ERBB4: variants seen among roughly 807,000 people sequenced by gnomAD.
ERBB4 encodes receptor tyrosine-protein kinase erbB-4.
In ERBB4, 42 loss-of-function variants were observed where a neutral mutation model predicts 158.0. That is an observed-to-expected ratio of 0.27 (90% CI 0.21 to 0.34). ERBB4 has a LOEUF of 0.34. Among genes scored for constraint, ERBB4 ranks in the 10% least tolerant of loss-of-function variants. The pLI is 1.00. For synonymous variants in ERBB4, 583 were observed against 558.7 expected (o/e 1.04, Z -0.61); for missense variants, 1,333 against 1,624.1 (o/e 0.82, Z 3.08).
chr2:212,264,599 T>C (rs998123356), intron 1 of ERBB4, among the ~76,000 whole-genome samples: 2 of 152,148 alleles, frequency 1.3e-5, no homozygotes, highest in Non-Finnish European at 2.9e-5. Flanking sequence ...ATTGTCATTC[T>C]GCTTTAAACT....
At chr2:212,069,211 C>T (rs2078035777) in intron 2 of ERBB4, among the ~76,000 whole-genome samples, 1 of 152,000 alleles carries the variant, frequency 6.6e-6, no homozygotes, top group Admixed American at 6.6e-5. Context: ...ATCCAACAAT[C>T]TATAAATAGG....
chr2:212,333,601 G>A (rs2088286829), intron 1 of ERBB4, among the ~76,000 whole-genome samples: 1 of 151,664 alleles, frequency 6.6e-6, no homozygotes, highest in Non-Finnish European at 1.5e-5. Flanking sequence ...ATCTGAGGTG[G>A]GAGGATTGCT....
Position 211,924,398 on chromosome 2 carries a change from A to C in ERBB4, c.421+23032T>G, listed in dbSNP as rs544877918. Among the ~76,000 whole-genome samples the C allele has an allele frequency of 1.8e-4, 28 of 152,258 alleles. 2 individuals are homozygous for C. The South Asian group carries it at 5.0e-3, about 27-fold the overall frequency. Reference sequence around the variant, plus strand: ...ACACTATTTGGGTGATGGGTGCCCTAAAAGCCCAGACTTCACCACTAAGCA... The same window carrying C: ...ACACTATTTGGGTGATGGGTGCCCTCAAAGCCCAGACTTCACCACTAAGCA... On this transcript the variant is annotated intron_variant, in intron 3 of 27. Coordinates refer to ENST00000342788, the MANE Select transcript of ERBB4 (RefSeq NM_005235.3).
chr2:211,953,709 T>A (rs2080944534), intron 2 of ERBB4, among the ~76,000 whole-genome samples: 1 of 152,038 alleles, frequency 6.6e-6, no homozygotes, highest in South Asian at 2.1e-4. Flanking sequence ...GTAAATACAA[T>A]CGGATATTAT....
At chr2:211,488,180 C>T (rs1228040855) in intron 20 of ERBB4, among the ~76,000 whole-genome samples, 2 of 152,028 alleles carry the variant, frequency 1.3e-5, no homozygotes, top group East Asian at 3.8e-4. Context: ...TGTTCCTTCC[C>T]CCAGCATGTA....
intron 2 of ERBB4, among the ~76,000 whole-genome samples, chr2:211,977,536 A>AAAAAAAAAAAAG (rs1460057701): frequency 1.6e-4 from 23 of 146,592 alleles, no homozygotes; most frequent in African/African-American, 5.2e-4. Context: ...GACTTTAAAA[A>AAAAAAAAAAAAG]AAAAAAAAAA....
chr2:212,446,397 G>A (rs999103981), intron 1 of ERBB4, among the ~76,000 whole-genome samples: 3 of 150,644 alleles, frequency 2.0e-5, no homozygotes, highest in African/African-American at 7.3e-5. Flanking sequence ...AACGTGAAAA[G>A]GAGAGACTGG....
At chr2:212,261,827 TAAAAG>T (rs1365234476) in intron 1 of ERBB4, among the ~76,000 whole-genome samples, 1 of 152,154 alleles carries the variant, frequency 6.6e-6, no homozygotes, top group African/African-American at 2.4e-5. Flanking sequence ...TTTTGTATTA[TAAAAG>T]AAAAGTTAAA....
chr2:212,355,288 G>A (rs991743726), intron 1 of ERBB4, among the ~76,000 whole-genome samples: 29 of 151,994 alleles, frequency 1.9e-4, no homozygotes, highest in African/African-American at 5.8e-4. Context: ...TAGACCCTAG[G>A]GTTTTGTACT....
chr2:212,525,586 A>G (rs1021571479), intron 1 of ERBB4, among the ~76,000 whole-genome samples: 3 of 151,974 alleles, frequency 2.0e-5, no homozygotes. Flanking sequence ...TCCCCAATAT[A>G]GATATTATTG....
chr2:212,248,431 A>G (rs2084393413), intron 1 of ERBB4, among the ~76,000 whole-genome samples: 1 of 152,176 alleles, frequency 6.6e-6, no homozygotes, highest in Non-Finnish European at 1.5e-5. Context: ...TGGCATGGCT[A>G]TAATAAACGG....
At chr2:212,350,799 CTG>C (rs1227803613) in intron 1 of ERBB4, among the ~76,000 whole-genome samples, 2 of 83,832 alleles carry the variant, frequency 2.4e-5, no homozygotes, top group Non-Finnish European at 6.3e-5. Flanking sequence ...AAAATAAAGA[CTG>C]TAAAATAATA....
chr2:212,480,266 G>C (rs1261833874), intron 1 of ERBB4, among the ~76,000 whole-genome samples: 1 of 152,022 alleles, frequency 6.6e-6, no homozygotes, highest in Non-Finnish European at 1.5e-5. Flanking sequence ...ATTAATATAT[G>C]TATACTATCA....
At chr2:212,060,296 A>G (rs1256279077) in intron 2 of ERBB4, among the ~76,000 whole-genome samples, 2 of 152,166 alleles carry the variant, frequency 1.3e-5, no homozygotes, top group Admixed American at 1.3e-4. Context: ...CGATCATTAA[A>G]AAGTCAAGAA....
Position 211,717,824 on chromosome 2 carries a change from C to G in ERBB4, c.884-4176G>C, listed in dbSNP as rs114846192. Among the ~76,000 whole-genome samples the G allele has an allele frequency of 2.6e-3, 398 of 152,208 alleles. 1 individual carries two copies. The highest frequency in any genetic ancestry group is 8.9e-3 in the African/African-American group (369 of 41,548). ...CCTGGGTGACAGAACCAGACTCTGTCTCCAAAAAAATAAAAAATCTACCCC... is the reference window on the plus strand; with the variant it reads ...CCTGGGTGACAGAACCAGACTCTGTGTCCAAAAAAATAAAAAATCTACCCC... On this transcript the variant is annotated intron_variant, in intron 7 of 27. Coordinates refer to ENST00000342788, the MANE Select transcript of ERBB4 (RefSeq NM_005235.3).
intron 1 of ERBB4, among the ~76,000 whole-genome samples, chr2:212,332,628 G>T (rs759117952): frequency 6.6e-6 from 1 of 151,774 alleles, no homozygotes; most frequent in Admixed American, 6.6e-5. Context: ...CTTTCCAAGC[G>T]TTCTGGCATT....
Position 212,391,976 on chromosome 2 carries a change from C to G in ERBB4, c.82+146473G>C, listed in dbSNP as rs2090889305. Among the ~76,000 whole-genome samples, 4 of 151,002 alleles carry G rather than the reference C, an allele frequency of 2.6e-5. 1 individual carries two copies. The Admixed American group carries it at 2.7e-4, about 10-fold the overall frequency. On this transcript the variant is annotated intron_variant, in intron 1 of 27. Transcript: ENST00000342788. ...TTTAAAAGGATTATAGGTAAATGAC[C>G]TACTTTTTAGCTATTTAGGATGACT...
At chr2:212,019,541 T>C (rs978506579) in intron 2 of ERBB4, among the ~76,000 whole-genome samples, 9 of 151,880 alleles carry the variant, frequency 5.9e-5, no homozygotes, top group African/African-American at 2.2e-4. Context: ...GATGGGCAGA[T>C]TGCCTGAGCT....
intron 2 of ERBB4, among the ~76,000 whole-genome samples, chr2:211,969,762 CTG>C (rs1173122212): frequency 6.6e-6 from 1 of 151,732 alleles, no homozygotes; most frequent in Non-Finnish European, 1.5e-5. Context: ...TCATTTTTTA[CTG>C]TGTTTATTTG....
Sources: allele counts gnomAD v4.1 joint callset (sites outside exome capture counted in the v4.1 genomes callset), GRCh38; gene constraint gnomAD v4.1.1; transcripts MANE v1.5; gene names NCBI Gene and HGNC (gene_info 2026-07-23, HGNC 2026-07-21).